The following ESR1 variants were observed in gnomAD, a reference collection of about 807,000 sequenced individuals.
ESR1 encodes the protein estrogen receptor.
A neutral mutation model predicts 52.7 loss-of-function variants in ESR1; 12 were observed. The ratio of observed to expected loss-of-function variants is 0.23; its 90% CI spans 0.15 to 0.37. ESR1 has a LOEUF of 0.37. Among genes scored for constraint, ESR1 ranks in the 10% least tolerant of loss-of-function variants. The probability of loss-of-function intolerance (pLI) is 1.00; values close to 1 mark genes in which losing one functional copy is unlikely to be tolerated. For missense variants in ESR1, 584 were observed against 779.7 expected (o/e 0.75, Z 2.99); for synonymous variants, 305 against 316.8 (o/e 0.96, Z 0.39).
At chr6:151,677,027 A>T (rs1239993797) in intron 1 of ESR1, among the ~76,000 whole-genome samples, 1 of 152,188 alleles carries the variant, frequency 6.6e-6, no homozygotes, top group Admixed American at 6.5e-5. Flanking sequence ...ATACATATAT[A>T]TCCATAAAGA....
At chr6:151,679,227 C>T (rs571678758) in intron 1 of ESR1, among the ~76,000 whole-genome samples, 2 of 152,296 alleles carry the variant, frequency 1.3e-5, no homozygotes, top group East Asian at 3.9e-4. Context: ...TGTTTCATAT[C>T]TCCAAGGCAA....
chr6:152,072,739 G>A (rs1199711005), intron 6 of ESR1, among the ~76,000 whole-genome samples: 1 of 152,248 alleles, frequency 6.6e-6, no homozygotes, highest in Non-Finnish European at 1.5e-5. Flanking sequence ...ATGCATGAAT[G>A]TCAGGAGGGG....
chr6:151,798,194 T>A (rs1341309085), intron 2 of ESR1, among the ~76,000 whole-genome samples: 2 of 151,966 alleles, frequency 1.3e-5, no homozygotes, highest in East Asian at 3.9e-4. Flanking sequence ...GCTGGCCAGG[T>A]GTTTTTTTTT....
Position 152,094,359 on chromosome 6 carries a change from C to G in ESR1, c.1370-26C>G, listed in dbSNP as rs2152495517. On this transcript the variant is annotated intron_variant, in intron 6 of 7. Transcript: ENST00000206249. This position sits in a 1 kb window ranked among gnomAD's most constrained non-coding sequence, Gnocchi z 4.6. ...GACCTCATCCTCTTTGAGCTTCTCTCTCTCACTCTCTCTCTGCGCATTCAG... is the reference window on the plus strand; with the variant it reads ...GACCTCATCCTCTTTGAGCTTCTCTGTCTCACTCTCTCTCTGCGCATTCAG... The G allele has an allele frequency of 1.2e-6, 2 of 1,609,022 alleles. No homozygotes were observed. Among genetic ancestry groups the G allele is most frequent in the Non-Finnish European group, 1.7e-6 (2 of 1,175,406 alleles).
rs2152495536 is a variant in ESR1, at chr6:152,094,361, C to T, written c.1370-24C>T. The T allele has an allele frequency of 6.2e-7, 1 of 1,610,428 alleles. No individual in the cohort carries two copies. Among genetic ancestry groups the T allele is most frequent in the African/African-American group, 1.3e-5 (1 of 74,970 alleles). On this transcript the variant is annotated intron_variant, in intron 6 of 7. Transcript: ENST00000206249. The surrounding 1 kb of genome is among the most constrained non-coding windows in gnomAD (Gnocchi z 4.6). ...CCTCATCCTCTTTGAGCTTCTCTCTCTCACTCTCTCTCTGCGCATTCAGGA... is the reference window on the plus strand; with the variant it reads ...CCTCATCCTCTTTGAGCTTCTCTCTTTCACTCTCTCTCTGCGCATTCAGGA...
At chr6:151,864,846 C>T (rs1467667900) in intron 2 of ESR1, among the ~76,000 whole-genome samples, 1 of 150,048 alleles carries the variant, frequency 6.7e-6, no homozygotes, top group Admixed American at 6.8e-5. Flanking sequence ...GGACAAAAAA[C>T]CAAACACTGC....
chr6:151,750,577 T>C (rs1243548165), intron 2 of ESR1, among the ~76,000 whole-genome samples: 1 of 152,184 alleles, frequency 6.6e-6, no homozygotes, highest in East Asian at 1.9e-4. Flanking sequence ...TGACCAGGTA[T>C]AATTTTGCCA....
intron 4 of ESR1, among the ~76,000 whole-genome samples, chr6:151,996,596 T>C (rs2041507853): frequency 6.6e-6 from 1 of 152,124 alleles, no homozygotes; most frequent in Non-Finnish European, 1.5e-5. Flanking sequence ...GTGCCTTATT[T>C]TGATACCACT....
rs536113718 is a variant in ESR1, at chr6:151,752,411, G to A, written c.-71+50406G>A. Reference sequence around the variant, plus strand: ...TTAAACTGCATTATTTTTAAATACTGTTTTATCAGTTTACTTCCTAATTTT... The same window carrying A: ...TTAAACTGCATTATTTTTAAATACTATTTTATCAGTTTACTTCCTAATTTT... On this transcript the variant is annotated intron_variant, in intron 2 of 2. Coordinates refer to the ESR1 transcript ENST00000404742. Among the ~76,000 whole-genome samples the A allele has an allele frequency of 2.9e-3, 424 of 148,084 alleles. 1 individual carries two copies. The highest frequency in any genetic ancestry group is 9.8e-3 in the African/African-American group (397 of 40,338).
In ESR1 at chr6:152,092,660, A is replaced by G. The variant is rs1054175219; in HGVS notation, c.1370-1725A>G. On this transcript the variant is annotated intron_variant, in intron 6 of 7. Transcript: ENST00000206249. ...TACTATAAATACACATAATCTGGAA[A>G]ACAAAAATACTGTCATCTCCTCCCT... Among the ~76,000 whole-genome samples the G allele has an allele frequency of 2.6e-5, 4 of 152,176 alleles. No individual in the cohort carries two copies. The East Asian group carries it at 7.7e-4, about 29-fold the overall frequency.
intron 1 of ESR1, among the ~76,000 whole-genome samples, chr6:151,827,098 T>C (rs1472185294): frequency 2.0e-5 from 3 of 151,930 alleles, no homozygotes; most frequent in African/African-American, 4.8e-5. Flanking sequence ...CTGAGGCAGA[T>C]GGGTCACCTG....
chr6:151,859,930 A>T (rs138822171), intron 2 of ESR1, among the ~76,000 whole-genome samples: 137 of 152,248 alleles, frequency 9.0e-4, no homozygotes, highest in Middle Eastern at 3.4e-3. Context: ...TGCTGGATAG[A>T]TGTAGTGATT....
intron 2 of ESR1, among the ~76,000 whole-genome samples, chr6:151,861,369 CA>C (rs1437163308): frequency 6.6e-6 from 1 of 152,050 alleles, no homozygotes; most frequent in Non-Finnish European, 1.5e-5. Flanking sequence ...GAATAGATTG[CA>C]AAAAGGTAAT....
intron 2 of ESR1, among the ~76,000 whole-genome samples, chr6:151,751,104 T>G (rs1357862278): frequency 2.6e-5 from 4 of 152,216 alleles, no homozygotes. Flanking sequence ...TCAGCATTAG[T>G]GGCTTCAATT....
chr6:151,820,661 G>A (rs1780413919), intron 1 of ESR1, among the ~76,000 whole-genome samples: 1 of 152,232 alleles, frequency 6.6e-6, no homozygotes, highest in Non-Finnish European at 1.5e-5. Flanking sequence ...TTACTTGGCA[G>A]TTAGTTTGTT....
intron 3 of ESR1, among the ~76,000 whole-genome samples, chr6:151,888,297 G>A (rs1321113185): frequency 6.6e-6 from 1 of 152,118 alleles, no homozygotes; most frequent in South Asian, 2.1e-4. Flanking sequence ...TCCAGTCTAT[G>A]TATGGTATAT....
chr6:151,677,126 C>T (rs1012097837), intron 1 of ESR1, among the ~76,000 whole-genome samples: 1 of 152,192 alleles, frequency 6.6e-6, no homozygotes, highest in African/African-American at 2.4e-5. Flanking sequence ...GCTGCAACTA[C>T]AGGTACCAAG....
At chr6:151,668,965 C>T (rs368278443) in intron 1 of ESR1, among the ~76,000 whole-genome samples, 8 of 151,828 alleles carry the variant, frequency 5.3e-5, no homozygotes, top group African/African-American at 1.7e-4. Flanking sequence ...GGGTTCATGT[C>T]AGGTTACATG....
At chr6:151,940,524 C>T (rs139940157) in intron 3 of ESR1, among the ~76,000 whole-genome samples, 19 of 152,238 alleles carry the variant, frequency 1.2e-4, no homozygotes, top group African/African-American at 3.9e-4. Flanking sequence ...AGTTGTGAGA[C>T]GTAAATGGGT....
Sources: allele counts gnomAD v4.1 joint callset (sites outside exome capture counted in the v4.1 genomes callset), GRCh38; gene constraint gnomAD v4.1.1; non-coding constraint Gnocchi (gnomAD v3.1); transcripts MANE v1.5; gene names NCBI Gene and HGNC (gene_info 2026-07-23, HGNC 2026-07-21).